The following ARFGEF3 variants were observed in gnomAD, a reference collection of about 807,000 sequenced individuals.
ARFGEF3 encodes brefeldin A-inhibited guanine nucleotide-exchange protein 3.
ARFGEF3 carries 96 observed loss-of-function variants against 221.7 expected under a neutral mutation model. The ratio of observed to expected loss-of-function variants is 0.43; its 90% CI spans 0.37 to 0.51. The LOEUF (loss-of-function observed/expected upper bound fraction) is 0.51. Among genes scored for constraint, ARFGEF3 ranks in the 20% least tolerant of loss-of-function variants. The pLI is 0.00. For missense variants in ARFGEF3, 2,410 were observed against 2,789.9 expected (o/e 0.86, Z 3.07); for synonymous variants, 1,145 against 1,126.8 (o/e 1.02, Z -0.32).
Position 138,215,248 on chromosome 6 carries a change from G to A in ARFGEF3, c.351+5207G>A, listed in dbSNP as rs1480115470. Among the ~76,000 whole-genome samples the A allele has an allele frequency of 4.6e-5, 7 of 152,230 alleles. No individual in the cohort carries two copies. The East Asian group carries it at 7.7e-4, about 17-fold the overall frequency. ...GCTGGCTGAGTCTTCAAAGGCTGCC[G>A]AATGGAATTATGGCTGGCTGTTCGC... On this transcript the variant is annotated intron_variant, in intron 4 of 33. Transcript: ENST00000251691.
chr6:138,217,659 G>T, intron 4 of ARFGEF3: 1 of 235,874 alleles, frequency 4.2e-6, no homozygotes, highest in East Asian at 9.5e-5. Flanking sequence ...GGAGCATCTG[G>T]CACATGGCTT....
chr6:138,193,871 A>G (rs1413918227), intron 2 of ARFGEF3, among the ~76,000 whole-genome samples: 1 of 152,120 alleles, frequency 6.6e-6, no homozygotes, highest in African/African-American at 2.4e-5. Flanking sequence ...TTTTGCTTTT[A>G]AGTTACCTGT....
At chr6:138,308,266 CTG>C (rs1366006117) in intron 23 of ARFGEF3, among the ~76,000 whole-genome samples, 1 of 152,186 alleles carries the variant, frequency 6.6e-6, no homozygotes, top group Non-Finnish European at 1.5e-5. Context: ...TGGGAGTACT[CTG>C]AGAGCTGAGT....
At chr6:138,305,907 A>G (rs891199310) in intron 22 of ARFGEF3, among the ~76,000 whole-genome samples, 2 of 152,044 alleles carry the variant, frequency 1.3e-5, no homozygotes, top group African/African-American at 4.8e-5. Context: ...ATCACACTTA[A>G]TGATGAAAGA....
chr6:138,239,214 G>A (rs926698466), intron 6 of ARFGEF3, among the ~76,000 whole-genome samples: 2 of 152,216 alleles, frequency 1.3e-5, no homozygotes, highest in Non-Finnish European at 2.9e-5. Flanking sequence ...TTCTGGGAAT[G>A]TTAATGAGAG....
intron 10 of ARFGEF3, among the ~76,000 whole-genome samples, chr6:138,257,504 G>A (rs1480447182): frequency 6.6e-6 from 1 of 152,186 alleles, no homozygotes; most frequent in Non-Finnish European, 1.5e-5. Flanking sequence ...GATGCCAAAG[G>A]AAAAGGAAAT....
chr6:138,179,957 A>G (rs1003535109), intron 2 of ARFGEF3, among the ~76,000 whole-genome samples: 4 of 152,124 alleles, frequency 2.6e-5, no homozygotes, highest in African/African-American at 9.7e-5. Context: ...CTACAGGTGT[A>G]TGGCACCATG....
intron 12 of ARFGEF3, among the ~76,000 whole-genome samples, chr6:138,265,277 A>C (rs1187482504): frequency 1.3e-5 from 2 of 152,110 alleles, no homozygotes; most frequent in Non-Finnish European, 2.9e-5. Context: ...TTACTCCAGA[A>C]ATTTTCACAT....
At chr6:138,218,069 C>T (rs770340388) in intron 4 of ARFGEF3, 121 of 1,613,708 alleles carry the variant, frequency 7.5e-5, no homozygotes, top group Non-Finnish European at 9.8e-5. Flanking sequence ...ACTGCAAAGT[C>T]AATGTGAATA....
chr6:138,183,967 T>A (rs902485303), intron 2 of ARFGEF3, among the ~76,000 whole-genome samples: 1 of 152,148 alleles, frequency 6.6e-6, no homozygotes, highest in Non-Finnish European at 1.5e-5. Flanking sequence ...CTCCCCCATA[T>A]TGGGGCAGAA....
At chr6:138,255,215 CTT>C (rs1778652941) in intron 9 of ARFGEF3, among the ~76,000 whole-genome samples, 1 of 152,098 alleles carries the variant, frequency 6.6e-6, no homozygotes, top group Admixed American at 6.5e-5. Flanking sequence ...TAATGCTTCT[CTT>C]ATATTTTATT....
intron 4 of ARFGEF3, among the ~76,000 whole-genome samples, chr6:138,210,729 G>A (rs1777709903): frequency 6.6e-6 from 1 of 152,098 alleles, no homozygotes; most frequent in Non-Finnish European, 1.5e-5. Flanking sequence ...CAACAAGAAA[G>A]CTTTTAATAA....
chr6:138,342,469 A>G lies in ARFGEF3; in HGVS notation c.*5983A>G, dbSNP rs1780447869. ...CAGTTTCCAGTTTTATTATACCAAC[A>G]ATTGGTTTTTACAAGCTAGAAGACA... On this transcript the variant is annotated 3_prime_UTR_variant, in exon 34 of 34. Transcript: ENST00000251691. 1.3e-5 allele frequency: 2 copies of G among 152,154 alleles called. No homozygotes were observed. The highest frequency in any genetic ancestry group is 2.1e-4 in the South Asian group (1 of 4,828). The allele number at this position is 152,154 out of a possible 1,614,324, so 9.4% of individuals were successfully genotyped here.
intron 10 of ARFGEF3, among the ~76,000 whole-genome samples, chr6:138,256,790 A>G (rs1445557640): frequency 1.3e-5 from 2 of 151,446 alleles, no homozygotes; most frequent in African/African-American, 4.9e-5. Context: ...TTATTTATTT[A>G]TTTATTTATT....
At chr6:138,242,584 G>A (rs1195641805) in intron 6 of ARFGEF3, among the ~76,000 whole-genome samples, 2 of 152,134 alleles carry the variant, frequency 1.3e-5, no homozygotes, top group Non-Finnish European at 2.9e-5. Flanking sequence ...TTCTCTGTGC[G>A]AAATTAACTC....
chr6:138,175,745 A>C (rs1776932276), intron 2 of ARFGEF3, among the ~76,000 whole-genome samples: 1 of 152,202 alleles, frequency 6.6e-6, no homozygotes, highest in East Asian at 1.9e-4. Context: ...TATTGTGTAA[A>C]TGTCTGTTAG....
intron 4 of ARFGEF3, among the ~76,000 whole-genome samples, chr6:138,215,079 C>T (rs899863084): frequency 1.2e-4 from 19 of 152,298 alleles, no homozygotes; most frequent in African/African-American, 4.1e-4. Flanking sequence ...CAACATTTTC[C>T]TATGGTGTGT....
intron 3 of ARFGEF3, among the ~76,000 whole-genome samples, chr6:138,207,908 C>A (rs932411822): frequency 6.6e-6 from 1 of 152,076 alleles, no homozygotes; most frequent in African/African-American, 2.4e-5. Context: ...AGAGATAAAA[C>A]CTATGAAATA....
intron 17 of ARFGEF3, among the ~76,000 whole-genome samples, chr6:138,288,034 T>C (rs1284502311): frequency 6.7e-6 from 1 of 148,962 alleles, no homozygotes; most frequent in Non-Finnish European, 1.5e-5. Flanking sequence ...TTCACAGTTC[T>C]TTAAAAAAAA....
Sources: gnomAD v4.1 joint callset for allele counts (sites outside exome capture counted in the v4.1 genomes callset) on GRCh38, gnomAD v4.1.1 for gene constraint, MANE v1.5 for transcripts, NCBI Gene and HGNC (gene_info 2026-07-23, HGNC 2026-07-21) for gene names.